The following PIEZO1 variants were observed in gnomAD, a reference collection of about 807,000 sequenced individuals.
PIEZO1 encodes the protein piezo-type mechanosensitive ion channel component 1.
A neutral mutation model predicts 297.2 loss-of-function variants in PIEZO1; 296 were observed. The observed-to-expected ratio is 1.00, with a 90% confidence interval of 0.91 to 1.10. The LOEUF (loss-of-function observed/expected upper bound fraction) is 1.10, where lower values mean the gene tolerates loss of function less well. Ranked by LOEUF, PIEZO1 falls within the 50% of genes least tolerant of loss-of-function variation. The probability of loss-of-function intolerance (pLI) is 0.00; values close to 1 mark genes in which losing one functional copy is unlikely to be tolerated. For synonymous variants in PIEZO1, 2,427 were observed against 1,507.5 expected, an observed-to-expected ratio of 1.61 and a Z score of -14.13; for missense variants, 5,018 against 3,455.5, an observed-to-expected ratio of 1.45 and a Z score of -11.34.
At chr16:88,731,208 G>A (rs13336349) in intron 22 of PIEZO1, 2,590 of 168,008 alleles carry the variant, frequency 0.015, 69 homozygotes, top group African/African-American at 0.056. Context: ...ACCAGATCCC[G>A]TCTGAAAACC....
At chr16:88,728,544 T>G (rs1239814843) in intron 22 of PIEZO1, among the ~76,000 whole-genome samples, 1 of 123,204 alleles carries the variant, frequency 8.1e-6, no homozygotes, top group Non-Finnish European at 1.7e-5. Flanking sequence ...AGAGGGAACC[T>G]CGCGACCCAA....
chr16:88,764,819 A>G (rs1475282048), intron 1 of PIEZO1, among the ~76,000 whole-genome samples: 3 of 151,766 alleles, frequency 2.0e-5, no homozygotes, highest in Non-Finnish European at 4.4e-5. Context: ...TCCCAGCATC[A>G]TGCCGTGACC....
chr16:88,734,067 C>A lies in PIEZO1; in HGVS notation c.2181-13G>T, dbSNP rs1242896289. ...CACTGCATCCTGCCTGGGAGAGGGTCCGAAAATGTCATCTCCCAACTGGGT... is the reference window on the plus strand; with the variant it reads ...CACTGCATCCTGCCTGGGAGAGGGTACGAAAATGTCATCTCCCAACTGGGT... On this transcript the variant is annotated splice_polypyrimidine_tract_variant and intron_variant, in intron 16 of 50. Transcript: ENST00000301015. 1.3e-6 allele frequency: 2 copies of A among 1,493,254 alleles called. No individual in the cohort carries two copies. The highest frequency in any genetic ancestry group is 2.3e-5 in the Admixed American group (1 of 43,696). 92.5% of individuals were successfully genotyped at this position (1,493,254 alleles called of 1,614,324 possible).
At chr16:88,716,161 C>T (rs1457579105) in intron 49 of PIEZO1, 37 bp downstream of exon 49, 1 of 1,520,048 alleles carries the variant, frequency 6.6e-7, no homozygotes, top group Non-Finnish European at 8.9e-7. Flanking sequence ...CAGGTCACCC[C>T]TCTCTAGCCT....
chr16:88,719,560 C>T lies in PIEZO1; in HGVS notation c.6471+14G>A. On this transcript the variant is annotated intron_variant, in intron 44 of 50. Coordinates refer to ENST00000301015, the MANE Select transcript of PIEZO1 (RefSeq NM_001142864.4). ...CCTGGCCCTTGTCCCGGCCCCCGCC[C>T]TGGGCCCAGGCACCTTCTCTGTCTC... 1 of 1,550,042 alleles carries T rather than the reference C, an allele frequency of 6.5e-7. No individual in the cohort carries two copies. Among genetic ancestry groups the T allele is most frequent in the Non-Finnish European group, 8.7e-7 (1 of 1,146,588 alleles).
chr16:88,784,679 A>G (rs1206170357), intron 1 of PIEZO1, among the ~76,000 whole-genome samples: 5 of 150,854 alleles, frequency 3.3e-5, no homozygotes, highest in Admixed American at 6.6e-5. Context: ...CGTCTCCCCC[A>G]GCCGCCGCCG....
Position 88,721,284 on chromosome 16 carries a change from G to A in PIEZO1, c.5550C>T (p.Pro1850=), listed in dbSNP as rs1177537854. ...CTTGGGGTTCTGGGGTCCCGTCCGT[G>A]GGTCCGACCCTGGCTTCCACCTGAA... The part of the protein sequence containing the change: ...DHIQVEARVG[P]TDGTPEPQVE... The change falls in exon 39 of 51, where the codon CCC becomes CCT. Residue 1850 remains proline, a synonymous_variant. Transcript: ENST00000301015. 6.5e-7 allele frequency: 1 copy of A among 1,544,616 alleles called. No homozygotes were observed. The highest frequency in any genetic ancestry group is 2.4e-5 in the East Asian group (1 of 40,900).
intron 1 of PIEZO1, among the ~76,000 whole-genome samples, chr16:88,761,573 C>T (rs542400990): frequency 6.6e-6 from 1 of 152,162 alleles, no homozygotes; most frequent in South Asian, 2.1e-4. Flanking sequence ...GCGTTCTCCC[C>T]GATGCTGCTC....
At chr16:88,727,283 C>G (rs966490459) in intron 23 of PIEZO1, 91 bp from the exon 24 acceptor site, 54 of 1,366,604 alleles carry the variant, frequency 4.0e-5, no homozygotes, top group Admixed American at 5.3e-5. Context: ...CCAGGCCTGT[C>G]GGCGTGCAGC....
At chr16:88,722,778 A>G (rs376833179) in intron 34 of PIEZO1, 59 bp downstream of exon 34, 2 of 1,531,026 alleles carry the variant, frequency 1.3e-6, no homozygotes, top group Admixed American at 2.0e-5. Flanking sequence ...TAGGCTGTTA[A>G]GCAGGCAGGG....
At chr16:88,780,026 C>T (rs1907858573) in intron 1 of PIEZO1, among the ~76,000 whole-genome samples, 1 of 152,170 alleles carries the variant, frequency 6.6e-6, no homozygotes, top group African/African-American at 2.4e-5. Flanking sequence ...GGGAGGAAAC[C>T]CAGACCCAGA....
rs1347593120 is a variant in PIEZO1 at position 88,715,872 on chromosome 16, G to A, written c.7317-18C>T. The A allele has an allele frequency of 6.5e-7, 1 of 1,548,172 alleles. No individual in the cohort carries two copies. Among genetic ancestry groups the A allele is most frequent in the South Asian group, 1.2e-5 (1 of 84,010 alleles). On this transcript the variant is annotated intron_variant, in intron 50 of 50. Coordinates refer to ENST00000301015, the MANE Select transcript of PIEZO1 (RefSeq NM_001142864.4). ...CCATGATGCTGCGGGGGAAGCTGGT[G>A]AGTCCTGGGGCCGCCCGGAGCCCCC...
chr16:88,748,619 GC>G (rs1906196936), intron 2 of PIEZO1, among the ~76,000 whole-genome samples: 1 of 152,142 alleles, frequency 6.6e-6, no homozygotes, highest in Admixed American at 6.5e-5. Context: ...CGTGCCTGGA[GC>G]CTGCAGAGAG....
Position 88,726,712 on chromosome 16 carries a change from C to T in PIEZO1, c.3699+3G>A. 3 of 1,549,154 alleles carry T rather than the reference C, an allele frequency of 1.9e-6. No individual in the cohort carries two copies. The highest frequency in any genetic ancestry group is 2.6e-6 in the Non-Finnish European group (3 of 1,146,132). On this transcript the variant is annotated splice_donor_region_variant and intron_variant, in intron 25 of 50. Coordinates refer to ENST00000301015, the MANE Select transcript of PIEZO1 (RefSeq NM_001142864.4). ...GGTGGGTGCGGGGGGGCCGGAGGCT[C>T]ACCGACAGCATGTTCTTGGAGATGA...
chr16:88,737,646 G>A lies in PIEZO1; in HGVS notation c.1108C>T (p.His370Tyr), dbSNP rs1905321656. ...QWPQERESDQ[H>Y]VVPTAPDTEA... is the part of the protein sequence containing the mutation. ...GTGTCGGGTGCTGTGGGCACCACGT[G>A]CTGTGGGCAAGCAGCGCTGAGCCAT... The change falls in exon 10 of 51, where the codon CAC becomes TAC. Residue 370 changes from histidine to tyrosine, a missense_variant and splice_region_variant. By Grantham distance (83) the His-to-Tyr change is moderately conservative. Transcript: ENST00000301015. 1 of 1,534,746 alleles carries A rather than the reference G, an allele frequency of 6.5e-7. No homozygotes were observed.
At chr16:88,747,369 AG>A (rs1167676519) in intron 2 of PIEZO1, among the ~76,000 whole-genome samples, 1 of 152,174 alleles carries the variant, frequency 6.6e-6, no homozygotes, top group African/African-American at 2.4e-5. Flanking sequence ...CACAAAAATT[AG>A]CCAGGCATGA....
Position 88,715,662 on chromosome 16 carries a change from G to T in PIEZO1, c.7509C>A (p.Leu2503=). ...TCTCCGGTGAGCGGTAGAGGAAGAT[G>T]AGCTTGGCGTACAACTCCTCCTCCA... is the stretch of plus-strand genomic sequence containing the variant. ...LELEEELYAK[L]IFLYRSPETM... The change falls in exon 51 of 51, where the codon CTC becomes CTA. Residue 2503 remains leucine, a synonymous_variant. Coordinates refer to ENST00000301015, the MANE Select transcript of PIEZO1 (RefSeq NM_001142864.4). 1 of 1,550,334 alleles carries T rather than the reference G, an allele frequency of 6.5e-7. No homozygotes were observed. Among genetic ancestry groups the T allele is most frequent in the South Asian group, 1.2e-5 (1 of 84,064 alleles).
chr16:88,726,591 A>G lies in PIEZO1; in HGVS notation c.3752T>C (p.Ile1251Thr). The G allele has an allele frequency of 6.5e-7, 1 of 1,543,368 alleles. No individual in the cohort carries two copies. Among genetic ancestry groups the G allele is most frequent in the Non-Finnish European group, 8.8e-7 (1 of 1,142,698 alleles). The stretch of plus-strand genomic sequence containing the variant: ...GGTGCATACAAGGCTGAAGAGCTGG[A>G]TGACCCAGCAGAAGCCGGTCTGCAT... Reference protein sequence around the residue: ...EQMQTGFCWVIQLFSLVCTVK... With the variant: ...EQMQTGFCWVTQLFSLVCTVK... Residue 1251 changes from isoleucine (I) to threonine (T), a missense_variant, in exon 26 of 51, where the codon ATC (isoleucine) becomes ACC (threonine). By Grantham distance (89) the Ile-to-Thr change is moderately conservative (BLOSUM62 -1). Transcript: ENST00000301015.
At position 88,738,265 on chromosome 16, in the gene PIEZO1, C is replaced by T. The variant is rs913599703; in HGVS notation, c.810G>A (p.Leu270=). The T allele has an allele frequency of 5.2e-6, 8 of 1,535,886 alleles. No homozygotes were observed. The highest frequency in any genetic ancestry group is 7.0e-6 in the Non-Finnish European group (8 of 1,146,862). Residue 270 remains leucine, a synonymous_variant, in exon 7 of 51, where the codon TTG becomes TTA. Coordinates refer to ENST00000301015, the MANE Select transcript of PIEZO1 (RefSeq NM_001142864.4). ...LICLYCYQMP[L]AQALLPPAGI... is the part of the protein sequence containing the mutation. Reference sequence around the variant, plus strand: ...CGGCAGGCGGGAGCAGAGCCTGTGCCAAGGGCATCTGGTAGCAGTAGAGGC... The same window carrying T: ...CGGCAGGCGGGAGCAGAGCCTGTGCTAAGGGCATCTGGTAGCAGTAGAGGC...
Sources: allele counts gnomAD v4.1 joint callset (sites outside exome capture counted in the v4.1 genomes callset), GRCh38; gene constraint gnomAD v4.1.1; transcripts MANE v1.5; gene names NCBI Gene and HGNC (gene_info 2026-07-23, HGNC 2026-07-21).